Variants in ZSCAN29 observed in about 807,000 individuals in gnomAD.
ZSCAN29 encodes the protein zinc finger and SCAN domain-containing protein 29.
Under a neutral mutation model 71.9 loss-of-function variants are expected in ZSCAN29, and 55 were observed. The ratio of observed to expected loss-of-function variants is 0.76; its 90% confidence interval spans 0.62 to 0.96. The LOEUF is 0.96. Among genes scored for constraint, ZSCAN29 ranks in the 40% least tolerant of loss-of-function variants. The pLI is 0.00. For missense variants in ZSCAN29, 1,042 were observed against 1,042.2 expected (o/e 1.00, Z 0.00); for synonymous variants, 351 against 371.6 (o/e 0.94, Z 0.64).
intron 1 of ZSCAN29, 165 bp downstream of exon 1, chr15:43,370,393 C>T (rs139806122): frequency 1.7e-3 from 257 of 154,630 alleles, no homozygotes; most frequent in Non-Finnish European, 2.5e-3. Context: ...CGCAGCTGAT[C>T]TCCCCCAGTA....
Position 43,361,515 on chromosome 15 carries a change from T to C in ZSCAN29, c.2117A>G (p.Tyr706Cys). ...HRRIHTGEKP[Y>C]KCLDCGKSFR... ...ACTTTTTCCACAGTCAAGACATTTA[T>C]AAGGTTTCTCTCCAGTGTGGATTCT... is the stretch of plus-strand genomic sequence containing the variant. Residue 706 changes from tyrosine to cysteine, a missense_variant, in exon 6 of 6, where the codon TAT (tyrosine) becomes TGT (cysteine). Transcript: ENST00000684362. 1 of 1,614,214 alleles carries C rather than the reference T, an allele frequency of 6.2e-7. No individual in the cohort carries two copies. Among genetic ancestry groups the C allele is most frequent in the Non-Finnish European group, 8.5e-7 (1 of 1,180,038 alleles).
In ZSCAN29 at chr15:43,358,332, G is replaced by C. The variant is rs1393755762; in HGVS notation, c.*2741C>G. 6.6e-6 allele frequency: 1 copy of C among 152,136 alleles called. No homozygotes were observed. The highest frequency in any genetic ancestry group is 2.1e-4 in the South Asian group (1 of 4,808). 9.4% of individuals were successfully genotyped at this position (152,136 alleles called of 1,614,324 possible). ...ACCACAACCAATGCTTTTCCCACGA[G>C]ACTATACATAGATATACTAAAGACA... On this transcript the variant is annotated 3_prime_UTR_variant, in exon 6 of 6. Coordinates refer to ENST00000684362, the MANE Select transcript of ZSCAN29 (RefSeq NM_001372080.1).
At position 43,370,971 on chromosome 15, in the gene ZSCAN29, C is replaced by G. The variant is rs2044102252; in HGVS notation, c.-526G>C. ...CAGCCTCACCCACTCGGGGTCCGAC[C>G]CTGACCCCGGCCCCGGCCCCGGCCC... On this transcript the variant is annotated 5_prime_UTR_variant, in exon 1 of 6. Transcript: ENST00000684362. 1 of 280,542 alleles carries G rather than the reference C, an allele frequency of 3.6e-6. No homozygotes were observed. Among genetic ancestry groups the G allele is most frequent in the Non-Finnish European group, 6.4e-6 (1 of 156,056 alleles). 17.4% of individuals were successfully genotyped at this position (280,542 alleles called of 1,614,324 possible). A position where few individuals can be genotyped will look rare whatever the true frequency, so the allele number is the denominator to read the frequency against.
chr15:43,369,616 G>T lies in ZSCAN29; in HGVS notation c.298C>A (p.Pro100Thr). ...VTLVEDLERE[P>T]GRPRSSVTVS... ...CTCACCGAAGATCTAGGTCTTCCAG[G>T]CTCTCTTTCTAAATCTTCCACGAGA... The change falls in exon 2 of 6, where the codon CCT (proline) becomes ACT (threonine). Residue 100 changes from proline to threonine, a missense_variant. Coordinates refer to ENST00000684362, the MANE Select transcript of ZSCAN29 (RefSeq NM_001372080.1). 6.2e-7 allele frequency: 1 copy of T among 1,613,012 alleles called. No homozygotes were observed. Among genetic ancestry groups the T allele is most frequent in the Non-Finnish European group, 8.5e-7 (1 of 1,179,244 alleles).
chr15:43,360,159 C>G lies in ZSCAN29; in HGVS notation c.*914G>C, dbSNP rs191223986. 4.6e-5 allele frequency: 7 copies of G among 152,140 alleles called. No individual in the cohort carries two copies. The highest frequency in any genetic ancestry group is 1.7e-4 in the African/African-American group (7 of 41,464). 9.4% of individuals were successfully genotyped at this position (152,140 alleles called of 1,614,324 possible). A position where few individuals can be genotyped will look rare whatever the true frequency, so the allele number is the denominator to read the frequency against. On this transcript the variant is annotated 3_prime_UTR_variant, in exon 6 of 6. Transcript: ENST00000684362. Reference sequence around the variant, plus strand: ...GTCAATTCAAAACCAGCCTGGCCAACATGGTGAAACCCCATCTCTACTAAA... The same window carrying G: ...GTCAATTCAAAACCAGCCTGGCCAAGATGGTGAAACCCCATCTCTACTAAA...
chr15:43,367,207 C>G (rs191579598), intron 3 of ZSCAN29, among the ~76,000 whole-genome samples: 11 of 152,312 alleles, frequency 7.2e-5, no homozygotes, highest in African/African-American at 2.6e-4. Flanking sequence ...CCTTCACAGT[C>G]AGTCACCAGG....
Position 43,371,004 on chromosome 15 carries a change from G to T in ZSCAN29, c.-559C>A, listed in dbSNP as rs1195050759. 6.4e-6 allele frequency: 2 copies of T among 312,466 alleles called. No homozygotes were observed. The highest frequency in any genetic ancestry group is 2.6e-5 in the African/African-American group (1 of 38,358). The allele number at this position is 312,466 out of a possible 1,614,324, so 19.4% of individuals were successfully genotyped here. A position where few individuals can be genotyped will look rare whatever the true frequency, so the allele number is the denominator to read the frequency against. On this transcript the variant is annotated 5_prime_UTR_variant, in exon 1 of 6. Transcript: ENST00000684362. ...CGGCCCCGGCCCCGGCCCCGGCCCC[G>T]GCTCTCCAGCCTCCCAAGTACAGCT...
intron 5 of ZSCAN29, chr15:43,363,674 A>G: frequency 2.3e-6 from 1 of 431,116 alleles, no homozygotes. Context: ...GTTCATGAAT[A>G]AATCACAGCA....
rs762961093 is a variant in ZSCAN29, at chr15:43,361,434, G to A, written c.2198C>T (p.Pro733Leu). The change falls in exon 6 of 6, where the codon CCT becomes CTT. Residue 733 changes from proline (P) to leucine (L), a missense_variant. Physicochemically the swap from Pro to Leu is moderately conservative, Grantham distance 98. Coordinates refer to ENST00000684362, the MANE Select transcript of ZSCAN29 (RefSeq NM_001372080.1). ...THRRIHTGEKPYQCGECGKCF... is the reference protein window; with the variant it reads ...THRRIHTGEKLYQCGECGKCF... The stretch of plus-strand genomic sequence containing the variant: ...TTTCCCACACTCACCACATTGATAA[G>A]GTTTCTCTCCTGTGTGGATTCTCCT... 1.2e-6 allele frequency: 2 copies of A among 1,613,562 alleles called. No homozygotes were observed. The highest frequency in any genetic ancestry group is 1.7e-6 in the Non-Finnish European group (2 of 1,179,586).
At position 43,361,993 on chromosome 15, in the gene ZSCAN29, C is replaced by G. The variant is rs754115180; in HGVS notation, c.1691-52G>C. On this transcript the variant is annotated intron_variant, in intron 5 of 5. Coordinates refer to ENST00000684362, the MANE Select transcript of ZSCAN29 (RefSeq NM_001372080.1). ...TATCTATTTTCTTAATCATATGTGC[C>G]ACAGGAATGTAAAACTTGGGAAAAA... is the stretch of plus-strand genomic sequence containing the variant. 1.3e-5 allele frequency: 20 copies of G among 1,535,480 alleles called. No individual in the cohort carries two copies. The East Asian group carries it at 4.1e-4, about 31-fold the overall frequency.
chr15:43,365,700 C>G (rs2044029080), intron 4 of ZSCAN29, among the ~76,000 whole-genome samples: 1 of 152,136 alleles, frequency 6.6e-6, no homozygotes, highest in Non-Finnish European at 1.5e-5. Flanking sequence ...TGACTTTGAG[C>G]TTTGGGGAAG....
chr15:43,366,890 C>T, intron 3 of ZSCAN29, 82 bp from the exon 4 acceptor site: 3 of 1,302,512 alleles, frequency 2.3e-6, no homozygotes, highest in Non-Finnish European at 3.2e-6. Context: ...CTGCCTTTTT[C>T]ATCCAAGAGG....
Position 43,366,540 on chromosome 15 carries a change from CTCAG to C in ZSCAN29, c.788_791del (p.Thr263SerfsTer67). 6.2e-7 allele frequency: 1 copy of C among 1,614,248 alleles called. No individual in the cohort carries two copies. On this transcript the variant is annotated frameshift_variant, in exon 4 of 6. Transcript: ENST00000684362. LOFTEE classifies it high-confidence loss of function. The stretch of plus-strand genomic sequence containing the variant: ...GGCAGTTTCTGAGAGCCTCATAAAA[CTCAG>C]TCTGGCTGAGAATTGCGAGGAGCGT...
chr15:43,361,231 T>TTC lies in ZSCAN29; in HGVS notation c.2400_2401insGA (p.Lys801GlufsTer47), dbSNP rs1339344573. On this transcript the variant is annotated frameshift_variant, in exon 6 of 6. Transcript: ENST00000684362. LOFTEE classifies it high-confidence loss of function. ...TGATGTGCACGTAAGTCAGAACTCT[T>TTC]ACTGAAACTCTTTCCACAGTCAGGA... 1 of 1,613,688 alleles carries TTC rather than the reference T, an allele frequency of 6.2e-7. No individual in the cohort carries two copies. Among genetic ancestry groups the TTC allele is most frequent in the Non-Finnish European group, 8.5e-7 (1 of 1,179,954 alleles).
At chr15:43,362,159 T>C (rs1253943831) in intron 5 of ZSCAN29, among the ~76,000 whole-genome samples, 2 of 152,246 alleles carry the variant, frequency 1.3e-5, no homozygotes, top group African/African-American at 2.4e-5. Context: ...CTGAATAATA[T>C]ATACTTTTAA....
intron 4 of ZSCAN29, 185 bp from the exon 5 acceptor site, chr15:43,364,567 T>G (rs1453140385): frequency 1.4e-6 from 1 of 699,886 alleles, no homozygotes; most frequent in Admixed American, 2.1e-5. Context: ...TTATATCCTT[T>G]AGCAATTTCA....
intron 2 of ZSCAN29, 90 bp downstream of exon 2, chr15:43,369,506 A>G: frequency 2.2e-6 from 3 of 1,392,352 alleles, no homozygotes; most frequent in African/African-American, 1.4e-5. Context: ...ACCAAGGGAG[A>G]CTGTGTCCCT....
chr15:43,368,802 C>T, intron 3 of ZSCAN29, 121 bp downstream of exon 3: 1 of 910,208 alleles, frequency 1.1e-6, no homozygotes, highest in Non-Finnish European at 1.7e-6. Context: ...AACTACATGT[C>T]AACAACCACA....
intron 4 of ZSCAN29, 147 bp from the exon 5 acceptor site, chr15:43,364,529 CAA>C (rs939262020): frequency 7.7e-6 from 6 of 775,352 alleles, no homozygotes; most frequent in Admixed American, 6.0e-5. Context: ...CCAAAATCCA[CAA>C]ACTCAGTATA....
Sources: allele counts gnomAD v4.1 joint callset (sites outside exome capture counted in the v4.1 genomes callset), GRCh38; gene constraint gnomAD v4.1.1; transcripts MANE v1.5; gene names NCBI Gene and HGNC (gene_info 2026-07-23, HGNC 2026-07-21).